The following COP1 variants were observed in gnomAD, a reference collection of about 807,000 sequenced individuals.
COP1 encodes COP1 E3 ubiquitin ligase.
In COP1, 24 loss-of-function variants were observed where a neutral mutation model predicts 101.3. The observed-to-expected ratio is 0.24, with a 90% CI of 0.17 to 0.33. The LOEUF (loss-of-function observed/expected upper bound fraction) is 0.33, where lower values mean the gene tolerates loss of function less well. Among genes scored for constraint, COP1 ranks in the 10% least tolerant of loss-of-function variants. The pLI is 1.00. For synonymous variants in COP1, 347 were observed against 341.9 expected (o/e 1.01, Z -0.17); for missense variants, 663 against 906.2 (o/e 0.73, Z 3.45).
At chr1:176,178,322 C>A (rs1697239839) in intron 2 of COP1, among the ~76,000 whole-genome samples, 3 of 140,680 alleles carry the variant, frequency 2.1e-5, no homozygotes, top group South Asian at 2.3e-4. Context: ...GGCAACATGG[C>A]AAAACTCTGT....
chr1:176,151,051 T>C (rs1439044201), intron 5 of COP1, among the ~76,000 whole-genome samples: 1 of 152,052 alleles, frequency 6.6e-6, no homozygotes, highest in Non-Finnish European at 1.5e-5. Flanking sequence ...TATAATGTTC[T>C]ATTAGAACAG....
intron 18 of COP1, among the ~76,000 whole-genome samples, chr1:175,981,341 T>C (rs1468242808): frequency 2.6e-5 from 4 of 152,186 alleles, no homozygotes; most frequent in African/African-American, 7.2e-5. Context: ...GCTGTCAGTC[T>C]AACTGACAAT....
At chr1:175,968,730 T>C (rs536432485) in intron 18 of COP1, among the ~76,000 whole-genome samples, 5 of 152,178 alleles carry the variant, frequency 3.3e-5, no homozygotes, top group Admixed American at 6.5e-5. Flanking sequence ...GTGAAGAACA[T>C]ACACAAGGGA....
intron 15 of COP1, among the ~76,000 whole-genome samples, chr1:176,014,682 T>C (rs985854264): frequency 6.6e-6 from 1 of 152,262 alleles, no homozygotes; most frequent in African/African-American, 2.4e-5. Context: ...ATCAAAACTC[T>C]ATGTTGGCTT....
intron 9 of COP1, among the ~76,000 whole-genome samples, chr1:176,107,412 CTAAG>C (rs1684503701): frequency 6.6e-6 from 1 of 151,930 alleles, no homozygotes; most frequent in African/African-American, 2.4e-5. Flanking sequence ...ACATTATTGT[CTAAG>C]AAAGTACTTA....
chr1:176,034,403 C>T (rs1669137074), intron 14 of COP1, among the ~76,000 whole-genome samples: 1 of 152,112 alleles, frequency 6.6e-6, no homozygotes, highest in East Asian at 1.9e-4. Flanking sequence ...GAGTAAAACT[C>T]TGTGTATATA....
chr1:176,195,118 AAG>A (rs1259704536), intron 1 of COP1, among the ~76,000 whole-genome samples: 1 of 142,744 alleles, frequency 7.0e-6, no homozygotes, highest in African/African-American at 2.6e-5. Flanking sequence ...AGAGGAGAGA[AAG>A]AGGGAGAGGA....
chr1:176,005,938 T>G (rs1663073455), intron 15 of COP1, among the ~76,000 whole-genome samples: 1 of 152,162 alleles, frequency 6.6e-6, no homozygotes, highest in Non-Finnish European at 1.5e-5. Flanking sequence ...TGTCTAATGT[T>G]GACAGTGGGG....
At chr1:176,035,899 T>C (rs1241057238) in intron 14 of COP1, among the ~76,000 whole-genome samples, 1 of 152,028 alleles carries the variant, frequency 6.6e-6, no homozygotes, top group Non-Finnish European at 1.5e-5. Context: ...ATTAAAAAAG[T>C]TAACACTATG....
At chr1:176,049,142 G>A (rs1350298730) in intron 11 of COP1, among the ~76,000 whole-genome samples, 7 of 142,118 alleles carry the variant, frequency 4.9e-5, no homozygotes, top group East Asian at 2.0e-4. Flanking sequence ...ATTGCAGTCC[G>A]CAGTCCGGCC....
At chr1:176,155,299 T>A (rs1693278748) in intron 5 of COP1, among the ~76,000 whole-genome samples, 1 of 152,082 alleles carries the variant, frequency 6.6e-6, no homozygotes, top group Non-Finnish European at 1.5e-5. Context: ...GGTCAGTCTC[T>A]CATCCTTGCT....
chr1:175,991,506 A>G (rs1041805391), intron 15 of COP1, among the ~76,000 whole-genome samples: 1 of 152,150 alleles, frequency 6.6e-6, no homozygotes, highest in Admixed American at 6.5e-5. Flanking sequence ...TTAACAGTAT[A>G]CCTAGGCTAC....
intron 1 of COP1, among the ~76,000 whole-genome samples, chr1:176,198,276 G>A (rs1386399229): frequency 6.6e-6 from 1 of 152,170 alleles, no homozygotes; most frequent in Non-Finnish European, 1.5e-5. Flanking sequence ...TGGCACTTGT[G>A]TAGGGATAAA....
At chr1:176,086,101 A>G (rs1680084163) in intron 9 of COP1, among the ~76,000 whole-genome samples, 1 of 152,162 alleles carries the variant, frequency 6.6e-6, no homozygotes. Context: ...AAAACTAATA[A>G]TGACTAAAAA....
intron 11 of COP1, among the ~76,000 whole-genome samples, chr1:176,046,895 T>A (rs2149207295): frequency 6.6e-6 from 1 of 152,102 alleles, no homozygotes; most frequent in African/African-American, 2.4e-5. Context: ...TCCCCAAATA[T>A]CTCTCTGAAT....
chr1:176,153,442 TTC>T (rs1692935908), intron 5 of COP1, among the ~76,000 whole-genome samples: 1 of 152,222 alleles, frequency 6.6e-6, no homozygotes, highest in Non-Finnish European at 1.5e-5. Context: ...TGATTTTGTA[TTC>T]TGAGACTTTG....
intron 11 of COP1, among the ~76,000 whole-genome samples, chr1:176,059,118 T>G (rs1390924470): frequency 2.0e-5 from 3 of 152,216 alleles, no homozygotes; most frequent in African/African-American, 7.2e-5. Flanking sequence ...AATGTTTAAT[T>G]AAACTTTACT....
chr1:176,062,233 A>G (rs573933768), intron 11 of COP1, among the ~76,000 whole-genome samples: 1 of 152,156 alleles, frequency 6.6e-6, no homozygotes, highest in African/African-American at 2.4e-5. Context: ...CGATCTCCTG[A>G]CCTTGTGATC....
chr1:176,156,565 T>A (rs1003515622), intron 5 of COP1, among the ~76,000 whole-genome samples: 1 of 152,090 alleles, frequency 6.6e-6, no homozygotes, highest in African/African-American at 2.4e-5. Context: ...ACACACTTTA[T>A]AAGGACAATG....
Sources: gnomAD v4.1 joint callset for allele counts (sites outside exome capture counted in the v4.1 genomes callset) on GRCh38, gnomAD v4.1.1 for gene constraint, MANE v1.5 for transcripts, NCBI Gene and HGNC (gene_info 2026-07-23, HGNC 2026-07-21) for gene names.